The following MRE11 variants were observed in gnomAD, a reference collection of about 807,000 sequenced individuals.
MRE11 encodes the protein double-strand break repair protein MRE11.
In MRE11, 62 loss-of-function variants were observed where a neutral mutation model predicts 91.7. That is an observed-to-expected ratio of 0.68 (90% CI 0.55 to 0.84). The LOEUF is 0.84. MRE11 is among the 40% of genes least tolerant of loss of function. MRE11 has a pLI of 0.00. For missense variants in MRE11, 796 were observed against 852.9 expected (o/e 0.93, Z 0.83); for synonymous variants, 273 against 271.4 (o/e 1.01, Z -0.06).
Position 94,447,318 on chromosome 11 carries a change from T to TG in MRE11, c.1683dup (p.Ile562HisfsTer44), listed in dbSNP as rs1945963150. The TG allele has an allele frequency of 6.2e-7, 1 of 1,614,028 alleles. No individual in the cohort carries two copies. The highest frequency in any genetic ancestry group is 1.7e-5 in the Admixed American group (1 of 60,004). On this transcript the variant is annotated frameshift_variant, in exon 15 of 20. Coordinates refer to ENST00000323929, the MANE Select transcript of MRE11 (RefSeq NM_005591.4). LOFTEE classifies it high-confidence loss of function. ...CTTCCTTTGTTGGTTGCTGCTGAGA[T>TG]GCTATCATCAGAGTCATTAGCCATC...
chr11:94,496,973 G>GGAA, upstream of MRE11: 3 of 1,611,552 alleles, frequency 1.9e-6, no homozygotes, highest in Non-Finnish European at 2.5e-6. Flanking sequence ...AATTACAGAG[G>GGAA]GAAGTGTGAC....
chr11:94,450,081 T>C (rs1249924317), intron 14 of MRE11, among the ~76,000 whole-genome samples: 3 of 152,222 alleles, frequency 2.0e-5, no homozygotes, highest in Non-Finnish European at 2.9e-5. Context: ...AAAAAATGTA[T>C]ATTAGATAAA....
intron 12 of MRE11, among the ~76,000 whole-genome samples, chr11:94,460,534 T>C (rs564325240): frequency 3.3e-5 from 5 of 152,224 alleles, no homozygotes; most frequent in African/African-American, 7.2e-5. Flanking sequence ...AATAATGGTA[T>C]TCACAATTAA....
chr11:94,427,412 C>G (rs887938004), intron 19 of MRE11, among the ~76,000 whole-genome samples: 3 of 152,092 alleles, frequency 2.0e-5, no homozygotes, highest in Non-Finnish European at 2.9e-5. Flanking sequence ...TAAGAGCCAG[C>G]TATGAAAATC....
intron 16 of MRE11, among the ~76,000 whole-genome samples, chr11:94,444,479 A>G (rs2134886896): frequency 6.6e-6 from 1 of 152,332 alleles, no homozygotes; most frequent in South Asian, 2.1e-4. Context: ...TATGAGGAAA[A>G]GAAGGATGAG....
chr11:94,449,459 C>T (rs1203078795), intron 14 of MRE11, among the ~76,000 whole-genome samples: 4 of 152,184 alleles, frequency 2.6e-5, no homozygotes, highest in Admixed American at 1.3e-4. Context: ...TCAACACTCA[C>T]GATACTTTTG....
At chr11:94,486,710 C>T (rs1458844531) in intron 3 of MRE11, among the ~76,000 whole-genome samples, 5 of 152,128 alleles carry the variant, frequency 3.3e-5, no homozygotes, top group Non-Finnish European at 7.3e-5. Flanking sequence ...GATGACACTA[C>T]GATGAATTTG....
chr11:94,420,240 A>G, intron 19 of MRE11, 59 bp from the exon 20 acceptor site: 1 of 1,393,314 alleles, frequency 7.2e-7, no homozygotes, highest in Non-Finnish European at 1.0e-6. Flanking sequence ...GAAACAAGAC[A>G]GAAGTTCTTA....
intron 16 of MRE11, among the ~76,000 whole-genome samples, chr11:94,445,350 G>A (rs1463325990): frequency 2.0e-5 from 3 of 152,206 alleles, no homozygotes; most frequent in South Asian, 2.1e-4. Context: ...TCTCTCTGTT[G>A]CTAGGGTAGA....
intron 18 of MRE11, among the ~76,000 whole-genome samples, chr11:94,434,922 C>G (rs1321530462): frequency 2.0e-5 from 3 of 152,090 alleles, no homozygotes; most frequent in African/African-American, 7.2e-5. Flanking sequence ...AAAATAAGTA[C>G]AAAATAAGGC....
intron 13 of MRE11, among the ~76,000 whole-genome samples, chr11:94,457,300 T>C (rs927488031): frequency 2.6e-5 from 4 of 152,144 alleles, no homozygotes; most frequent in Admixed American, 1.3e-4. Context: ...ACTAGAATGA[T>C]GGGATCAGGA....
At chr11:94,433,855 T>C (rs1186405867) in intron 18 of MRE11, among the ~76,000 whole-genome samples, 2 of 152,232 alleles carry the variant, frequency 1.3e-5, no homozygotes, top group African/African-American at 4.8e-5. Flanking sequence ...CTCTGCTTTT[T>C]GCAAGGCCAC....
At chr11:94,499,509 C>T in the MRE11 span, 1 of 151,722 alleles carries the variant, frequency 6.6e-6, no homozygotes, top group East Asian at 1.9e-4. Context: ...AAAAAAAAAA[C>T]ACTGTGGATA....
intron 18 of MRE11, among the ~76,000 whole-genome samples, chr11:94,433,676 C>T (rs1945524447): frequency 6.6e-6 from 1 of 152,144 alleles, no homozygotes; most frequent in Non-Finnish European, 1.5e-5. Context: ...CTTCTTTTGT[C>T]TGCTGCCATG....
chr11:94,443,674 T>G (rs1036997201), intron 16 of MRE11, among the ~76,000 whole-genome samples: 2 of 152,168 alleles, frequency 1.3e-5, no homozygotes, highest in African/African-American at 4.8e-5. Flanking sequence ...ATGCGCCTCA[T>G]GGGAGTGGCT....
intron 19 of MRE11, among the ~76,000 whole-genome samples, chr11:94,428,240 C>T (rs951470505): frequency 6.6e-6 from 1 of 152,180 alleles, no homozygotes; most frequent in Non-Finnish European, 1.5e-5. Flanking sequence ...TAAAGCTGCA[C>T]ATCTACAGCC....
chr11:94,484,638 A>T (rs893596397), intron 4 of MRE11, among the ~76,000 whole-genome samples: 1 of 152,326 alleles, frequency 6.6e-6, no homozygotes, highest in Middle Eastern at 3.4e-3. Context: ...ATCAAGGTTA[A>T]AATCACCAGT....
Position 94,490,958 on chromosome 11 carries a change from C to T in MRE11, c.28G>A (p.Glu10Lys), listed in dbSNP as rs756308200. The change falls in exon 3 of 20, where the codon GAA becomes AAA. Residue 10 changes from glutamate (E) to lysine (K), a missense_variant. Glu to Lys is a moderately conservative substitution (Grantham distance 56). Transcript: ENST00000323929. Reference protein sequence around the residue: MSTADALDDENTFKILVATD... With the variant: MSTADALDDKNTFKILVATD... ...GCAACTAATATTTTAAATGTGTTTT[C>T]ATCATCACTATATTAAGAAAGAAGA... 1.8e-5 allele frequency: 26 copies of T among 1,450,214 alleles called. No individual in the cohort carries two copies. The highest frequency in any genetic ancestry group is 2.4e-5 in the Non-Finnish European group (25 of 1,033,736). The allele number at this position is 1,450,214 out of a possible 1,614,324, so 89.8% of individuals were successfully genotyped here.
At chr11:94,429,854 T>G in intron 19 of MRE11, 57 bp downstream of exon 19, 1 of 1,430,802 alleles carries the variant, frequency 7.0e-7, no homozygotes, top group Non-Finnish European at 9.5e-7. Flanking sequence ...TGGCAGTCTC[T>G]ATTTAAATTT....
Sources: allele counts gnomAD v4.1 joint callset (sites outside exome capture counted in the v4.1 genomes callset), GRCh38; gene constraint gnomAD v4.1.1; transcripts MANE v1.5; gene names NCBI Gene and HGNC (gene_info 2026-07-23, HGNC 2026-07-21).